Variants in RBMS3 observed in about 807,000 individuals in gnomAD.
RBMS3 encodes the protein RNA-binding motif, single-stranded-interacting protein 3.
In RBMS3, 27 loss-of-function variants were observed where a neutral mutation model predicts 66.8. The ratio of observed to expected loss-of-function variants is 0.40; its 90% confidence interval spans 0.30 to 0.56. RBMS3 has a LOEUF of 0.56. RBMS3 is among the 20% of genes least tolerant of loss of function. The pLI is 0.40. For synonymous variants in RBMS3, 188 were observed against 183.0 expected (o/e 1.03, Z -0.22); for missense variants, 513 against 549.5 (o/e 0.93, Z 0.66).
At chr3:29,694,216 T>C (rs1269979521) in intron 4 of RBMS3, among the ~76,000 whole-genome samples, 2 of 152,174 alleles carry the variant, frequency 1.3e-5, no homozygotes, top group African/African-American at 4.8e-5. Context: ...GCTTCTGATA[T>C]CTGTTTTTCA....
chr3:29,306,133 A>G (rs1394537083), intron 1 of RBMS3, among the ~76,000 whole-genome samples: 2 of 151,926 alleles, frequency 1.3e-5, no homozygotes, highest in Non-Finnish European at 2.9e-5. Flanking sequence ...TTGATTTTGC[A>G]TGTACGGCAT....
chr3:29,573,283 G>A (rs2047003882), intron 3 of RBMS3, among the ~76,000 whole-genome samples: 1 of 151,974 alleles, frequency 6.6e-6, no homozygotes, highest in Non-Finnish European at 1.5e-5. Flanking sequence ...ACCCTGTTTG[G>A]CAAATTTTTA....
At chr3:29,833,818 A>T (rs1053122156) in intron 6 of RBMS3, among the ~76,000 whole-genome samples, 7 of 152,124 alleles carry the variant, frequency 4.6e-5, no homozygotes, top group Admixed American at 1.3e-4. Context: ...GTGAACATCC[A>T]GGTATATGAA....
intron 14 of RBMS3, chr3:29,991,702 GCCATTAAAAAAAAAAGCTA>G (rs1414175581): frequency 6.8e-6 from 1 of 147,090 alleles, no homozygotes; most frequent in Non-Finnish European, 1.5e-5. Context: ...AGGCACTGCA[GCCATTAAAAAAAAAAGCTA>G]CCATATTTAT....
chr3:29,966,449 G>A (rs1019762810), intron 12 of RBMS3, among the ~76,000 whole-genome samples: 1 of 151,970 alleles, frequency 6.6e-6, no homozygotes, highest in African/African-American at 2.4e-5. Context: ...ATATTCCTAA[G>A]TATTTTTTTT....
At chr3:29,606,890 T>C (rs1278432081) in intron 4 of RBMS3, among the ~76,000 whole-genome samples, 1 of 152,000 alleles carries the variant, frequency 6.6e-6, no homozygotes, top group Non-Finnish European at 1.5e-5. Flanking sequence ...AATTTTTCCA[T>C]TGTATTAATT....
At chr3:29,824,264 A>G (rs997526154) in intron 6 of RBMS3, among the ~76,000 whole-genome samples, 12 of 151,986 alleles carry the variant, frequency 7.9e-5, no homozygotes, top group Non-Finnish European at 1.3e-4. Flanking sequence ...GTTCTGAGGG[A>G]GCTTATTTGC....
At chr3:29,638,924 A>C (rs1300912748) in intron 4 of RBMS3, among the ~76,000 whole-genome samples, 1 of 151,826 alleles carries the variant, frequency 6.6e-6, no homozygotes. Context: ...TACATTTTTT[A>C]TTTGAAATAT....
chr3:29,312,090 G>T (rs1448027588), intron 1 of RBMS3, among the ~76,000 whole-genome samples: 2 of 151,692 alleles, frequency 1.3e-5, no homozygotes, highest in Non-Finnish European at 3.0e-5. Context: ...GTATACTAAG[G>T]GATTTGAGAA....
intron 1 of RBMS3, among the ~76,000 whole-genome samples, chr3:29,311,878 G>T (rs955927363): frequency 6.6e-6 from 1 of 151,810 alleles, no homozygotes; most frequent in African/African-American, 2.4e-5. Flanking sequence ...GCAGCATTTG[G>T]ATAGCCAGAT....
At chr3:29,628,440 G>A (rs1457644959) in intron 4 of RBMS3, among the ~76,000 whole-genome samples, 2 of 152,038 alleles carry the variant, frequency 1.3e-5, no homozygotes, top group African/African-American at 4.8e-5. Flanking sequence ...AACTTCAGAG[G>A]GGCCTTGTGG....
At chr3:29,349,389 C>T (rs1264954304) in intron 1 of RBMS3, among the ~76,000 whole-genome samples, 1 of 152,202 alleles carries the variant, frequency 6.6e-6, no homozygotes, top group African/African-American at 2.4e-5. Context: ...CTGCACCTTT[C>T]TACTTTGTGC....
At chr3:29,801,005 G>GCACACA (rs3070792) in intron 6 of RBMS3, among the ~76,000 whole-genome samples, 4 of 148,928 alleles carry the variant, frequency 2.7e-5, no homozygotes, top group Admixed American at 6.7e-5. Context: ...ACACACGCAT[G>GCACACA]CACACACACA....
chr3:29,394,334 C>A (rs546853993), intron 1 of RBMS3, among the ~76,000 whole-genome samples: 2 of 152,160 alleles, frequency 1.3e-5, no homozygotes, highest in African/African-American at 4.8e-5. Context: ...CCCTGAAAAT[C>A]GCTGTTATCC....
chr3:29,424,566 G>T (rs2040869437), intron 1 of RBMS3, among the ~76,000 whole-genome samples: 1 of 152,086 alleles, frequency 6.6e-6, no homozygotes, highest in African/African-American at 2.4e-5. Context: ...AAATTAGATT[G>T]GATTGTATAT....
chr3:29,348,497 G>A (rs541862347), intron 1 of RBMS3, among the ~76,000 whole-genome samples: 2 of 150,926 alleles, frequency 1.3e-5, no homozygotes, highest in African/African-American at 4.9e-5. Context: ...TTCATCAACA[G>A]ACTTTATTAT....
chr3:29,809,296 A>T (rs1164313978), intron 6 of RBMS3, among the ~76,000 whole-genome samples: 2 of 151,534 alleles, frequency 1.3e-5, no homozygotes, highest in Non-Finnish European at 3.0e-5. Context: ...AAATGATTTG[A>T]AGTGCTAGTT....
chr3:29,734,790 T>C (rs1194497023), intron 4 of RBMS3, among the ~76,000 whole-genome samples: 1 of 152,134 alleles, frequency 6.6e-6, no homozygotes, highest in Admixed American at 6.5e-5. Flanking sequence ...TGTAATTTGG[T>C]GTCCGTTGAG....
intron 4 of RBMS3, among the ~76,000 whole-genome samples, chr3:29,611,420 G>A (rs1046483654): frequency 6.6e-6 from 1 of 151,958 alleles, no homozygotes; most frequent in South Asian, 2.1e-4. Context: ...GATCAAATTC[G>A]GCTGTATTCT....
Sources: allele counts gnomAD v4.1 joint callset (sites outside exome capture counted in the v4.1 genomes callset), GRCh38; gene constraint gnomAD v4.1.1; transcripts MANE v1.5; gene names NCBI Gene and HGNC (gene_info 2026-07-23, HGNC 2026-07-21).